Variants in DLG2 observed in about 807,000 individuals in gnomAD.
DLG2 encodes discs large MAGUK scaffold protein 2, also known as disks large homolog 2.
In DLG2, 45 loss-of-function variants were observed where a neutral mutation model predicts 132.5. The ratio of observed to expected loss-of-function variants is 0.34; its 90% CI spans 0.27 to 0.44. DLG2 has a LOEUF of 0.44. DLG2 is among the 20% of genes least tolerant of loss of function. The pLI, the probability that DLG2 is intolerant of heterozygous loss-of-function variation, is 1.00. For synonymous variants in DLG2, 424 were observed against 419.6 expected, an observed-to-expected ratio of 1.01 and a Z score of -0.13; for missense variants, 1,045 against 1,196.9, an observed-to-expected ratio of 0.87 and a Z score of 1.87.
intron 3 of DLG2, among the ~76,000 whole-genome samples, chr11:85,296,465 TTC>T (rs1207437546): frequency 8.5e-6 from 1 of 118,176 alleles, no homozygotes; most frequent in Admixed American, 9.9e-5. Flanking sequence ...TGTTTCGATT[TTC>T]TTTTTTTTTT....
At chr11:85,103,083 C>G (rs1393452340) in intron 6 of DLG2, among the ~76,000 whole-genome samples, 1 of 151,680 alleles carries the variant, frequency 6.6e-6, no homozygotes, top group Non-Finnish European at 1.5e-5. Context: ...AACTTGTATT[C>G]CAAAAACTAT....
At chr11:83,672,897 T>C (rs1022306090) in intron 18 of DLG2, among the ~76,000 whole-genome samples, 1 of 152,014 alleles carries the variant, frequency 6.6e-6, no homozygotes, top group African/African-American at 2.4e-5. Context: ...CCGTCTCTAC[T>C]AAAAATGCAA....
chr11:83,520,672 AAGAC>A (rs1269777643), intron 21 of DLG2, among the ~76,000 whole-genome samples: 43 of 74,788 alleles, frequency 5.7e-4, no homozygotes, highest in Admixed American at 2.7e-3. Flanking sequence ...GATAGAAAGA[AAGAC>A]AGACAGGTAA....
At chr11:85,155,858 C>CA (rs199571938) in intron 4 of DLG2, among the ~76,000 whole-genome samples, 9,483 of 105,330 alleles carry the variant, frequency 0.09, 440 homozygotes, top group East Asian at 0.17. Context: ...GACTCTGTAT[C>CA]AAAAAAAAAA....
At chr11:83,598,111 T>C (rs1298277226) in intron 19 of DLG2, among the ~76,000 whole-genome samples, 2 of 152,166 alleles carry the variant, frequency 1.3e-5, no homozygotes, top group Non-Finnish European at 2.9e-5. Flanking sequence ...TTAATTTACA[T>C]CTCAAAATCA....
At chr11:85,412,085 T>A (rs1028063082) in intron 3 of DLG2, among the ~76,000 whole-genome samples, 2 of 151,868 alleles carry the variant, frequency 1.3e-5, no homozygotes, top group African/African-American at 4.8e-5. Flanking sequence ...TCATGTCCTA[T>A]CTTCTTTTCC....
intron 17 of DLG2, among the ~76,000 whole-genome samples, chr11:83,815,700 A>G (rs2048690602): frequency 6.6e-6 from 1 of 152,206 alleles, no homozygotes; most frequent in African/African-American, 2.4e-5. Flanking sequence ...ACCTGTTTGA[A>G]TGTTCAGTGC....
At chr11:85,341,416 A>T (rs1565349032) in intron 3 of DLG2, among the ~76,000 whole-genome samples, 3 of 152,176 alleles carry the variant, frequency 2.0e-5, no homozygotes. Flanking sequence ...CACCGTGCCT[A>T]GCTGAAGTAT....
At chr11:83,588,915 T>A (rs1287525678) in intron 19 of DLG2, among the ~76,000 whole-genome samples, 2 of 149,710 alleles carry the variant, frequency 1.3e-5, no homozygotes, top group African/African-American at 4.9e-5. Context: ...ATGAATGAAA[T>A]GAAGTGAGAA....
chr11:84,329,619 C>T (rs1039458509), intron 7 of DLG2, among the ~76,000 whole-genome samples: 2 of 152,162 alleles, frequency 1.3e-5, no homozygotes, highest in Non-Finnish European at 2.9e-5. Flanking sequence ...TTATAAATTA[C>T]CCAGTCTTAG....
chr11:83,631,609 AATATC>A (rs2063570686), intron 19 of DLG2: 2 of 152,130 alleles, frequency 1.3e-5, no homozygotes, highest in Non-Finnish European at 1.5e-5. Context: ...AGTTTTATAT[AATATC>A]ATATCACTTC....
intron 7 of DLG2, among the ~76,000 whole-genome samples, chr11:84,270,826 T>C (rs1043597487): frequency 2.0e-5 from 3 of 152,220 alleles, no homozygotes; most frequent in Admixed American, 6.5e-5. Context: ...TTTTCAAGTA[T>C]TTGATTTAAA....
intron 12 of DLG2, among the ~76,000 whole-genome samples, chr11:83,972,723 T>C (rs2091562561): frequency 6.6e-6 from 1 of 152,164 alleles, no homozygotes; most frequent in Non-Finnish European, 1.5e-5. Flanking sequence ...GCATTTGTGT[T>C]GCATTCTATT....
rs541801325 is a variant in DLG2, at chr11:85,091,556, C to A, written c.357+20105G>T. Reference sequence around the variant, plus strand: ...TAGCATTCTACCCATAGTAAAACTTCTTTGGGAATTGGAGTCAATCCTCTT... The same window carrying A: ...TAGCATTCTACCCATAGTAAAACTTATTTGGGAATTGGAGTCAATCCTCTT... On this transcript the variant is annotated intron_variant, in intron 6 of 27. Coordinates refer to ENST00000376104, the MANE Select transcript of DLG2 (RefSeq NM_001142699.3). Among the ~76,000 whole-genome samples, 6 of 152,314 alleles carry A rather than the reference C, an allele frequency of 3.9e-5. No individual in the cohort carries two copies. In the East Asian group the frequency reaches 1.2e-3, roughly 29 times the overall value.
At chr11:85,339,284 A>AT (rs1248960664) in intron 3 of DLG2, among the ~76,000 whole-genome samples, 1 of 152,108 alleles carries the variant, frequency 6.6e-6, no homozygotes, top group Non-Finnish European at 1.5e-5. Context: ...GTTGTTTGCA[A>AT]TTTTTTATAA....
intron 8 of DLG2, among the ~76,000 whole-genome samples, chr11:84,229,027 G>T (rs1032904405): frequency 6.6e-6 from 1 of 152,108 alleles, no homozygotes; most frequent in African/African-American, 2.4e-5. Context: ...CACAGTTCCT[G>T]CTATATCATA....
At chr11:83,489,663 T>C (rs952886713) in intron 21 of DLG2, among the ~76,000 whole-genome samples, 1 of 151,974 alleles carries the variant, frequency 6.6e-6, no homozygotes, top group African/African-American at 2.4e-5. Context: ...ATGCATTGGA[T>C]TGCTTCAAAT....
At chr11:84,631,475 C>T (rs1250636932) in intron 6 of DLG2, among the ~76,000 whole-genome samples, 1 of 152,068 alleles carries the variant, frequency 6.6e-6, no homozygotes, top group East Asian at 1.9e-4. Flanking sequence ...AATAGCAATA[C>T]AATGTCACTA....
At chr11:84,679,751 T>C (rs1195268812) in intron 6 of DLG2, among the ~76,000 whole-genome samples, 1 of 152,150 alleles carries the variant, frequency 6.6e-6, no homozygotes, top group Non-Finnish European at 1.5e-5. Context: ...CCTTATTTTA[T>C]AGATTAAGAA....
Sources: allele counts gnomAD v4.1 joint callset (sites outside exome capture counted in the v4.1 genomes callset), GRCh38; gene constraint gnomAD v4.1.1; transcripts MANE v1.5; gene names NCBI Gene and HGNC (gene_info 2026-07-23, HGNC 2026-07-21).